PPTC7: variants seen among roughly 807,000 people sequenced by gnomAD.
PPTC7 encodes the protein protein phosphatase targeting COQ7.
In PPTC7, 6 loss-of-function variants were observed where a neutral mutation model predicts 30.8. The ratio of observed to expected loss-of-function variants is 0.19; its 90% CI spans 0.11 to 0.38. The LOEUF is 0.38. PPTC7 is among the 10% of genes least tolerant of loss of function. The pLI is 1.00. For synonymous variants in PPTC7, 163 were observed against 168.1 expected (o/e 0.97, Z 0.23); for missense variants, 218 against 404.8 (o/e 0.54, Z 3.96).
At chr12:110,580,055 A>C (rs1262794725) in intron 1 of PPTC7, among the ~76,000 whole-genome samples, 1 of 152,006 alleles carries the variant, frequency 6.6e-6, no homozygotes, top group Non-Finnish European at 1.5e-5. Flanking sequence ...AAAGAACAAA[A>C]GAAAATGTGA....
chr12:110,566,556 T>G (rs752394678), intron 1 of PPTC7, among the ~76,000 whole-genome samples: 7 of 152,224 alleles, frequency 4.6e-5, no homozygotes, highest in Non-Finnish European at 8.8e-5. Context: ...TCAGAACATC[T>G]ACCAGTGCTC....
chr12:110,579,754 T>G (rs2064620798), intron 1 of PPTC7, among the ~76,000 whole-genome samples: 1 of 152,202 alleles, frequency 6.6e-6, no homozygotes, highest in African/African-American at 2.4e-5. Context: ...GGTTCATGCC[T>G]GTAATCCCAG....
chr12:110,541,287 CAGG>C (rs1455313123), intron 3 of PPTC7, among the ~76,000 whole-genome samples: 6 of 151,582 alleles, frequency 4.0e-5, no homozygotes, highest in Non-Finnish European at 8.8e-5. Context: ...GAGGCTGAGG[CAGG>C]AGAATTGCTT....
chr12:110,571,451 A>T (rs35229907), intron 1 of PPTC7, among the ~76,000 whole-genome samples: 1 of 147,728 alleles, frequency 6.8e-6, no homozygotes, highest in African/African-American at 2.5e-5. Flanking sequence ...AGAAGATAGC[A>T]TTTCAGTTTC....
chr12:110,562,553 G>A (rs1243076569), intron 1 of PPTC7, among the ~76,000 whole-genome samples: 4 of 152,054 alleles, frequency 2.6e-5, no homozygotes, highest in Non-Finnish European at 5.9e-5. Flanking sequence ...CGCACTTTGG[G>A]AGGCTGAGGT....
intron 5 of PPTC7, 31 bp downstream of exon 5, chr12:110,538,113 A>G (rs755729838): frequency 2.8e-5 from 45 of 1,610,372 alleles, no homozygotes; most frequent in Non-Finnish European, 3.8e-5. Context: ...GTCCCCAGTC[A>G]GTCCCTATGA....
chr12:110,556,716 T>A (rs149557577), intron 1 of PPTC7, among the ~76,000 whole-genome samples: 99 of 152,204 alleles, frequency 6.5e-4, no homozygotes, highest in African/African-American at 2.3e-3. Context: ...GACCACCACA[T>A]TGTGCATGCT....
At chr12:110,544,032 G>C (rs957206487) in intron 3 of PPTC7, among the ~76,000 whole-genome samples, 25 of 152,192 alleles carry the variant, frequency 1.6e-4, no homozygotes, top group Non-Finnish European at 3.7e-4. Flanking sequence ...GGGGTTCAGA[G>C]TTCTCCCCAC....
At chr12:110,557,982 T>C (rs2064403620) in intron 1 of PPTC7, among the ~76,000 whole-genome samples, 1 of 152,204 alleles carries the variant, frequency 6.6e-6, no homozygotes, top group South Asian at 2.1e-4. Context: ...GGGATTATTA[T>C]GGGAACTACA....
At chr12:110,582,572 T>C (rs546981818) in intron 1 of PPTC7, among the ~76,000 whole-genome samples, 25 of 152,160 alleles carry the variant, frequency 1.6e-4, no homozygotes, top group Admixed American at 9.2e-4. Context: ...GGTTGTGACC[T>C]TGAGCACACG....
At chr12:110,543,235 G>C (rs2064277544) in intron 3 of PPTC7, among the ~76,000 whole-genome samples, 1 of 152,164 alleles carries the variant, frequency 6.6e-6, no homozygotes, top group African/African-American at 2.4e-5. Flanking sequence ...AAAATTTCTG[G>C]TTCATCTTCA....
chr12:110,547,692 A>G (rs184482523), intron 2 of PPTC7, among the ~76,000 whole-genome samples: 112 of 152,326 alleles, frequency 7.4e-4, no homozygotes, highest in Admixed American at 4.1e-3. Flanking sequence ...GATGGTTAAA[A>G]GGAAAACAAC....
chr12:110,535,718 TAATG>T lies in PPTC7; in HGVS notation c.*1315_*1318del, dbSNP rs2135756050. ...TATATATTTTTTTCTACCACCAAGT[TAATG>T]AAGGAAAAAAACTGACCCAAAAATA... is the stretch of plus-strand genomic sequence containing the variant. On this transcript the variant is annotated 3_prime_UTR_variant, in exon 6 of 6. Coordinates refer to ENST00000354300, the MANE Select transcript of PPTC7 (RefSeq NM_139283.2). The T allele has an allele frequency of 6.6e-6, 1 of 152,670 alleles. No homozygotes were observed. Among genetic ancestry groups the T allele is most frequent in the African/African-American group, 2.4e-5 (1 of 41,526 alleles). The allele number at this position is 152,670 out of a possible 1,614,324, so 9.5% of individuals were successfully genotyped here. A position where few individuals can be genotyped will look rare whatever the true frequency, so the allele number is the denominator to read the frequency against.
intron 4 of PPTC7, 135 bp downstream of exon 4, chr12:110,539,687 G>GA: frequency 1.2e-6 from 1 of 806,006 alleles, no homozygotes; most frequent in Non-Finnish European, 1.9e-6. Flanking sequence ...TGAAAGACCA[G>GA]AGCTATTATT....
rs150689485 is a variant in PPTC7 at position 110,552,867 on chromosome 12, A to C, written c.224-899T>G. Among the ~76,000 whole-genome samples the C allele has an allele frequency of 3.0e-3, 458 of 152,214 alleles. 3 individuals are homozygous for C. The highest frequency in any genetic ancestry group is 0.01 in the African/African-American group (429 of 41,534). ...CAATGGGGCGAGACTCCGTCTCAAAAAAACAAACAAACAAACAAAACCACA... is the reference window on the plus strand; with the variant it reads ...CAATGGGGCGAGACTCCGTCTCAAACAAACAAACAAACAAACAAAACCACA... On this transcript the variant is annotated intron_variant, in intron 1 of 5. Transcript: ENST00000354300.
At chr12:110,546,282 T>A (rs1464854587) in intron 2 of PPTC7, 3 of 578,218 alleles carry the variant, frequency 5.2e-6, no homozygotes, top group South Asian at 2.0e-5. Flanking sequence ...GAAAAAGGAT[T>A]TGTATTATAC....
At chr12:110,576,028 ACAGAATGAAAGACCACT>A (rs946118896) in intron 1 of PPTC7, among the ~76,000 whole-genome samples, 43 of 152,338 alleles carry the variant, frequency 2.8e-4, no homozygotes, top group Admixed American at 2.2e-3. Flanking sequence ...CTTATGTATT[ACAGAATGAAAGACCACT>A]CAGAATAGTC....
chr12:110,578,221 T>C (rs2064605263), intron 1 of PPTC7, among the ~76,000 whole-genome samples: 1 of 152,182 alleles, frequency 6.6e-6, no homozygotes, highest in African/African-American at 2.4e-5. Flanking sequence ...TATTGTTAAG[T>C]AGCATAAGGC....
rs781679057 is a variant in PPTC7 at position 110,535,418 on chromosome 12, A to T, written c.*1619T>A. 3 of 152,670 alleles carry T rather than the reference A, an allele frequency of 2.0e-5. No homozygotes were observed. The highest frequency in any genetic ancestry group is 4.4e-5 in the Non-Finnish European group (3 of 68,048). The allele number at this position is 152,670 out of a possible 1,614,324, so 9.5% of individuals were successfully genotyped here. On this transcript the variant is annotated 3_prime_UTR_variant, in exon 6 of 6. Coordinates refer to ENST00000354300, the MANE Select transcript of PPTC7 (RefSeq NM_139283.2). ...CATGATGCATTGAAATATAGTAATG[A>T]CATGTACATGGTACATGTTAAACAA...
Sources: allele counts gnomAD v4.1 joint callset (sites outside exome capture counted in the v4.1 genomes callset), GRCh38; gene constraint gnomAD v4.1.1; transcripts MANE v1.5; gene names NCBI Gene and HGNC (gene_info 2026-07-23, HGNC 2026-07-21).